AKR1D1: variants seen among roughly 807,000 people sequenced by gnomAD.
AKR1D1 encodes aldo-keto reductase family 1 member D1, also known as delta(4)-3-ketosteroid 5-beta-reductase.
A neutral mutation model predicts 42.6 loss-of-function variants in AKR1D1; 32 were observed. That is an observed-to-expected ratio of 0.75 (90% CI 0.57 to 1.01). AKR1D1 has a LOEUF of 1.01. Among genes scored for constraint, AKR1D1 ranks in the 50% least tolerant of loss-of-function variants. The pLI is 0.00. For synonymous variants in AKR1D1, 123 were observed against 135.5 expected (o/e 0.91, Z 0.64); for missense variants, 364 against 402.2 (o/e 0.91, Z 0.81).
At chr7:138,109,995 T>C (rs578184956) in intron 7 of AKR1D1, among the ~76,000 whole-genome samples, 1 of 151,812 alleles carries the variant, frequency 6.6e-6, no homozygotes, top group Non-Finnish European at 1.5e-5. Context: ...GCCTTGATAA[T>C]AAAAGAATGG....
At position 138,106,673 on chromosome 7, in the gene AKR1D1, C is replaced by T. The variant is rs1794440306; in HGVS notation, c.645C>T (p.Val215=). ...AATTTTGCCAACAACATGACATTGT[C>T]ATTACTGCATATAGCCCTTTGGGGA... is the stretch of plus-strand genomic sequence containing the variant. ...LLKFCQQHDI[V]ITAYSPLGTS... is the part of the protein sequence containing the mutation. The change falls in exon 6 of 9, where the codon GTC becomes GTT. Residue 215 remains valine (V), a synonymous_variant. Coordinates refer to ENST00000242375, the MANE Select transcript of AKR1D1 (RefSeq NM_005989.4). The T allele has an allele frequency of 6.2e-7, 1 of 1,614,002 alleles. No individual in the cohort carries two copies. Among genetic ancestry groups the T allele is most frequent in the Non-Finnish European group, 8.5e-7 (1 of 1,179,930 alleles).
chr7:138,099,079 A>G (rs1446807470), intron 4 of AKR1D1, among the ~76,000 whole-genome samples: 1 of 152,032 alleles, frequency 6.6e-6, no homozygotes, highest in African/African-American at 2.4e-5. Flanking sequence ...ACCTCTTTCT[A>G]TATACTTGCC....
In AKR1D1 at chr7:138,076,631, C is replaced by A; in HGVS notation, c.93+20C>A. On this transcript the variant is annotated intron_variant, in intron 1 of 8. Coordinates refer to ENST00000242375, the MANE Select transcript of AKR1D1 (RefSeq NM_005989.4). ...AAATCGGTAAGCTTATTTTTTCTCT[C>A]TTTGCTTGCTTGTTTGTTTCTTTTA... The A allele has an allele frequency of 6.3e-7, 1 of 1,575,746 alleles. No individual in the cohort carries two copies. Among genetic ancestry groups the A allele is most frequent in the Non-Finnish European group, 8.7e-7 (1 of 1,146,358 alleles).
In AKR1D1 at chr7:138,107,515, A is replaced by T; in HGVS notation, c.790A>T (p.Ile264Phe). 1 of 1,614,206 alleles carries T rather than the reference A, an allele frequency of 6.2e-7. No individual in the cohort carries two copies. Among genetic ancestry groups the T allele is most frequent in the Non-Finnish European group, 8.5e-7 (1 of 1,180,020 alleles). The stretch of plus-strand genomic sequence containing the variant: ...AGCTCAAATTGTTTTGCGTTTCAAC[A>T]TCCAGCGAGGGGTGGTTGTCATTCC... The part of the protein sequence containing the change: ...TAAQIVLRFN[I>F]QRGVVVIPKS... Residue 264 changes from isoleucine (I) to phenylalanine (F), a missense_variant, in exon 7 of 9, where the codon ATC (isoleucine) becomes TTC (phenylalanine). Transcript: ENST00000242375.
At position 138,105,430 on chromosome 7, in the gene AKR1D1, G is replaced by A; in HGVS notation, c.579+1G>A. The A allele has an allele frequency of 6.2e-7, 1 of 1,613,864 alleles. No homozygotes were observed. The highest frequency in any genetic ancestry group is 1.1e-5 in the South Asian group (1 of 91,064). On this transcript the variant is annotated splice_donor_variant, in intron 5 of 8. Transcript: ENST00000242375. LOFTEE classifies it high-confidence loss of function. The stretch of plus-strand genomic sequence containing the variant: ...CAAACACAAGCCAGTCAGCAACCAG[G>A]TACAGCCTAATAGCTTCCACTAGGG...
In AKR1D1 at chr7:138,105,732, C is replaced by A. The variant is rs532681126; in HGVS notation, c.579+303C>A. Among the ~76,000 whole-genome samples, 490 of 152,098 alleles carry A rather than the reference C, an allele frequency of 3.2e-3. 2 individuals carry two copies. Among genetic ancestry groups the A allele is most frequent in the African/African-American group, 0.011 (468 of 41,496 alleles). On this transcript the variant is annotated intron_variant, in intron 5 of 8. Coordinates refer to ENST00000242375, the MANE Select transcript of AKR1D1 (RefSeq NM_005989.4). The stretch of plus-strand genomic sequence containing the variant: ...TGAAACCCCGTCTGTACTAAAAATA[C>A]AAAAATTAGCTGGGCTTGGTGGCAC...
chr7:138,103,228 T>G (rs1794351326), intron 4 of AKR1D1, among the ~76,000 whole-genome samples: 1 of 151,928 alleles, frequency 6.6e-6, no homozygotes, highest in Non-Finnish European at 1.5e-5. Flanking sequence ...ATCTAACAGA[T>G]GCTCCAAAAA....
chr7:138,106,664 T>G lies in AKR1D1; in HGVS notation c.636T>G (p.His212Gln). The G allele has an allele frequency of 6.2e-7, 1 of 1,614,154 alleles. No individual in the cohort carries two copies. ...AACTCTTGAAATTTTGCCAACAACA[T>G]GACATTGTCATTACTGCATATAGCC... ...QPKLLKFCQQ[H>Q]DIVITAYSPL... Residue 212 changes from histidine (H) to glutamine (Q), a missense_variant, in exon 6 of 9, where the codon CAT becomes CAG. His to Gln is a conservative substitution (Grantham distance 24, BLOSUM62 0). Transcript: ENST00000242375.
Position 138,076,623 on chromosome 7 carries a change from T to C in AKR1D1, c.93+12T>C. ...CAGAACCTAAATCGGTAAGCTTATT[T>C]TTTCTCTCTTTGCTTGCTTGTTTGT... On this transcript the variant is annotated intron_variant, in intron 1 of 8. Transcript: ENST00000242375. 1.3e-6 allele frequency: 2 copies of C among 1,593,912 alleles called. No individual in the cohort carries two copies. The highest frequency in any genetic ancestry group is 1.7e-6 in the Non-Finnish European group (2 of 1,162,638).
At chr7:138,088,895 T>C (rs1794002455) in intron 2 of AKR1D1, 127 bp downstream of exon 2, 1 of 1,064,896 alleles carries the variant, frequency 9.4e-7, no homozygotes, top group East Asian at 2.6e-5. Context: ...AATAACAGTT[T>C]GGGTTTGTTT....
intron 6 of AKR1D1, 137 bp from the exon 7 acceptor site, chr7:138,107,278 G>C: frequency 1.1e-6 from 1 of 919,344 alleles, no homozygotes. Context: ...TCTGCACTCA[G>C]AGAAACTGGT....
intron 1 of AKR1D1, 142 bp downstream of exon 1, chr7:138,076,753 A>C (rs933014722): frequency 1.7e-5 from 12 of 726,992 alleles, no homozygotes; most frequent in African/African-American, 5.2e-5. Context: ...TAATAATGAA[A>C]GGACTACTAT....
intron 4 of AKR1D1, among the ~76,000 whole-genome samples, chr7:138,102,151 C>T (rs1212679082): frequency 6.6e-6 from 1 of 152,118 alleles, no homozygotes; most frequent in Non-Finnish European, 1.5e-5. Context: ...GCGGAGGTTG[C>T]AGTGAGCCGA....
chr7:138,107,579 A>G lies in AKR1D1; in HGVS notation c.854A>G (p.Gln285Arg), dbSNP rs1292509229. 6.2e-7 allele frequency: 1 copy of G among 1,613,512 alleles called. No individual in the cohort carries two copies. The highest frequency in any genetic ancestry group is 8.5e-7 in the Non-Finnish European group (1 of 1,179,960). ...CTTGAAAGGATCAAAGAAAATTTTC[A>G]GGTAAGAGAATTGCTTTTGGAGATG... ...FNLERIKENF[Q>R]IFDFSLTEEE... Residue 285 changes from glutamine to arginine, a missense_variant and splice_region_variant, in exon 7 of 9, where the codon CAG (glutamine) becomes CGG (arginine). By Grantham distance (43) the Gln-to-Arg change is conservative (BLOSUM62 1). Transcript: ENST00000242375.
At chr7:138,104,221 CTTCT>C (rs1037374985) in intron 4 of AKR1D1, among the ~76,000 whole-genome samples, 1 of 151,884 alleles carries the variant, frequency 6.6e-6, no homozygotes, top group African/African-American at 2.4e-5. Context: ...TGACATATTC[CTTCT>C]GTTAATTTTG....
At chr7:138,106,177 C>T (rs184968799) in intron 5 of AKR1D1, among the ~76,000 whole-genome samples, 167 of 152,252 alleles carry the variant, frequency 1.1e-3, no homozygotes, top group African/African-American at 3.9e-3. Flanking sequence ...CAAATTGGTT[C>T]AGCCTTACTA....
intron 1 of AKR1D1, among the ~76,000 whole-genome samples, chr7:138,081,890 C>G (rs1480190539): frequency 6.6e-6 from 1 of 152,114 alleles, no homozygotes; most frequent in Admixed American, 6.6e-5. Flanking sequence ...CCAAGAACTC[C>G]TACCTTTTAT....
intron 4 of AKR1D1, among the ~76,000 whole-genome samples, chr7:138,101,223 C>T (rs1324035497): frequency 8.2e-5 from 9 of 109,694 alleles, no homozygotes; most frequent in African/African-American, 1.8e-4. Flanking sequence ...CTTCCTTCCA[C>T]GAGTCTCGCT....
In AKR1D1 at chr7:138,106,624, A is replaced by G. The variant is rs114392001; in HGVS notation, c.596A>G (p.Tyr199Cys). ...ACCACATAGGTTGAGTGCCATCCGT[A>G]TTTCACCCAGCCAAAACTCTTGAAA... is the stretch of plus-strand genomic sequence containing the variant. ...PVSNQVECHP[Y>C]FTQPKLLKFC... Residue 199 changes from tyrosine (Y) to cysteine (C), a missense_variant, in exon 6 of 9, where the codon TAT becomes TGT. Coordinates refer to ENST00000242375, the MANE Select transcript of AKR1D1 (RefSeq NM_005989.4). 6.2e-6 allele frequency: 10 copies of G among 1,614,022 alleles called. No homozygotes were observed. The African/African-American group carries it at 1.2e-4, about 19-fold the overall frequency.
Sources: allele counts gnomAD v4.1 joint callset (sites outside exome capture counted in the v4.1 genomes callset), GRCh38; gene constraint gnomAD v4.1.1; transcripts MANE v1.5; gene names NCBI Gene and HGNC (gene_info 2026-07-23, HGNC 2026-07-21).